The following CACNA1C variants were observed in gnomAD, a reference collection of about 807,000 sequenced individuals.
CACNA1C encodes calcium voltage-gated channel subunit alpha1 C, also known as voltage-dependent L-type calcium channel subunit alpha-1C.
A neutral mutation model predicts 229.0 loss-of-function variants in CACNA1C; 30 were observed. That is an observed-to-expected ratio of 0.13 (90% confidence interval 0.10 to 0.18). The LOEUF (loss-of-function observed/expected upper bound fraction) is 0.18. Ranked by LOEUF, CACNA1C falls within the 10% of genes least tolerant of loss-of-function variation. The probability of loss-of-function intolerance (pLI) is 1.00; values close to 1 mark genes in which losing one functional copy is unlikely to be tolerated. For missense variants in CACNA1C, 1,658 were observed against 2,845.0 expected (o/e 0.58, Z 9.49); for synonymous variants, 1,114 against 1,132.5 (o/e 0.98, Z 0.33).
At chr12:2,423,407 A>C (rs549294330) in intron 3 of CACNA1C, among the ~76,000 whole-genome samples, 1 of 152,272 alleles carries the variant, frequency 6.6e-6, no homozygotes, top group South Asian at 2.1e-4. Context: ...TAGCTCTCAC[A>C]ATATGTGTGG....
chr12:2,117,444 A>G (rs1422085920), intron 2 of CACNA1C, among the ~76,000 whole-genome samples: 2 of 152,194 alleles, frequency 1.3e-5, no homozygotes, highest in African/African-American at 4.8e-5. Flanking sequence ...CTGCTTGCAT[A>G]TCTGCTCACG....
chr12:2,554,397 C>G (rs1247618960), intron 10 of CACNA1C, among the ~76,000 whole-genome samples: 3 of 152,182 alleles, frequency 2.0e-5, no homozygotes, highest in Admixed American at 6.5e-5. Context: ...AGAATCCGCT[C>G]AACCTGAGGT....
At chr12:2,415,495 A>C (rs929794734) in intron 3 of CACNA1C, among the ~76,000 whole-genome samples, 1 of 152,292 alleles carries the variant, frequency 6.6e-6, no homozygotes, top group Admixed American at 6.5e-5. Context: ...TACTTTATGT[A>C]TTTTCTCCAA....
At position 2,181,005 on chromosome 12, in the gene CACNA1C, CAT is replaced by C. The variant is rs2096824171; in HGVS notation, c.477+60577_477+60578del. 6.6e-6 allele frequency among the ~76,000 whole-genome samples: 1 copy of C among 152,144 alleles called. No individual in the cohort carries two copies. The highest frequency in any genetic ancestry group is 2.1e-4 in the South Asian group (1 of 4,826). Reference sequence around the variant, plus strand: ...AAAACACCTGGATTTGTTTCATGAACATAACCCTCAAATCTGCACTCCCCTAT... The same window carrying C: ...AAAACACCTGGATTTGTTTCATGAACAACCCTCAAATCTGCACTCCCCTAT... On this transcript the variant is annotated intron_variant, in intron 3 of 46. Transcript: ENST00000399655. The surrounding 1 kb of genome is among the most constrained non-coding windows in gnomAD (Gnocchi z 4.0).
intron 9 of CACNA1C, among the ~76,000 whole-genome samples, chr12:2,542,685 A>T (rs2099873796): frequency 6.6e-6 from 1 of 152,128 alleles, no homozygotes; most frequent in Non-Finnish European, 1.5e-5. Context: ...CCAGGGAGAA[A>T]ATGACTTTTT....
intron 9 of CACNA1C, among the ~76,000 whole-genome samples, chr12:2,518,394 G>A (rs537384312): frequency 6.6e-6 from 1 of 152,296 alleles, no homozygotes; most frequent in African/African-American, 2.4e-5. Flanking sequence ...GGATCATGAG[G>A]TCAGGAGATT....
intron 4 of CACNA1C, among the ~76,000 whole-genome samples, chr12:2,450,403 AC>A (rs1436222103): frequency 7.9e-5 from 12 of 151,720 alleles, no homozygotes; most frequent in East Asian, 2.0e-4. Context: ...AAATACAAAA[AC>A]TTAGCCGGGC....
chr12:1,982,560 T>A (rs1230223076), intron 1 of CACNA1C, among the ~76,000 whole-genome samples: 1 of 152,198 alleles, frequency 6.6e-6, no homozygotes, highest in Non-Finnish European at 1.5e-5. Context: ...TATTCTCTTT[T>A]GAGGTTGAAT....
At chr12:2,380,084 G>C (rs2098197772) in intron 3 of CACNA1C, among the ~76,000 whole-genome samples, 1 of 151,626 alleles carries the variant, frequency 6.6e-6, no homozygotes, top group Non-Finnish European at 1.5e-5. Flanking sequence ...CAGGTCCCCT[G>C]GTTCCCATCC....
At chr12:2,642,370 G>A (rs2093811960) in intron 30 of CACNA1C, among the ~76,000 whole-genome samples, 1 of 152,136 alleles carries the variant, frequency 6.6e-6, no homozygotes, top group South Asian at 2.1e-4. Context: ...CACACCTTTT[G>A]TTGTGGCCAG....
chr12:2,391,649 TG>T (rs574671254), intron 3 of CACNA1C, among the ~76,000 whole-genome samples: 66 of 152,208 alleles, frequency 4.3e-4, no homozygotes, highest in African/African-American at 1.6e-3. Context: ...GTGCTTGAAG[TG>T]GGGCAAAGAC....
At chr12:2,094,128 G>A (rs1289381295) in intron 1 of CACNA1C, among the ~76,000 whole-genome samples, 1 of 152,240 alleles carries the variant, frequency 6.6e-6, no homozygotes, top group Non-Finnish European at 1.5e-5. Flanking sequence ...GGCAAAGGCA[G>A]GAAGGCTGCC....
At chr12:2,085,703 C>G (rs766539182) in intron 1 of CACNA1C, among the ~76,000 whole-genome samples, 1 of 152,172 alleles carries the variant, frequency 6.6e-6, no homozygotes, top group Non-Finnish European at 1.5e-5. Flanking sequence ...TGGCCTGACT[C>G]CTTCTAGCCC....
chr12:2,177,587 C>CCCTCCCTCCCTCCCTCCTTCCTT lies in CACNA1C; in HGVS notation c.477+57160_477+57161insCCCTCCCTCCCTCCTTCCTTCCT, dbSNP rs750852324. Among the ~76,000 whole-genome samples, 441 of 78,460 alleles carry CCCTCCCTCCCTCCCTCCTTCCTT rather than the reference C, an allele frequency of 5.6e-3. 6 individuals carry two copies. Among genetic ancestry groups the CCCTCCCTCCCTCCCTCCTTCCTT allele is most frequent in the African/African-American group, 0.016 (272 of 16,592 alleles). The allele number at this position is 78,460 out of a possible 152,430, so 51.5% of individuals were successfully genotyped here. A position where few individuals can be genotyped will look rare whatever the true frequency, so the allele number is the denominator to read the frequency against. ...TCCCTCCCTCCCTCCCTCCCTCCCT[C>CCCTCCCTCCCTCCCTCCTTCCTT]CCTTCCTTCCTTCCTTCCTTCCTTC... is the stretch of plus-strand genomic sequence containing the variant. On this transcript the variant is annotated intron_variant, in intron 3 of 46. Coordinates refer to ENST00000399655, the MANE Select transcript of CACNA1C (RefSeq NM_000719.7).
At position 2,679,882 on chromosome 12, in the gene CACNA1C, G is replaced by A. The variant is rs1158239485; in HGVS notation, c.5444+86G>A. On this transcript the variant is annotated intron_variant, in intron 42 of 46. Transcript: ENST00000399655. The surrounding 1 kb of genome is among the most constrained non-coding windows in gnomAD (Gnocchi z 5.5). ...AGACAGTGGAGGAGACGGAGGCCTCGGCCAGCCACTTGTCCCTCAAGCTTC... is the reference window on the plus strand; with the variant it reads ...AGACAGTGGAGGAGACGGAGGCCTCAGCCAGCCACTTGTCCCTCAAGCTTC... The A allele has an allele frequency of 1.0e-5, 10 of 972,810 alleles. No homozygotes were observed. The highest frequency in any genetic ancestry group is 2.8e-4 in the Middle Eastern group (1 of 3,520). The allele number at this position is 972,810 out of a possible 1,614,324, so 60.3% of individuals were successfully genotyped here.
At chr12:2,687,182 G>T (rs1287652144) in intron 45 of CACNA1C, among the ~76,000 whole-genome samples, 1 of 152,216 alleles carries the variant, frequency 6.6e-6, no homozygotes, top group African/African-American at 2.4e-5. Context: ...GATTCCCAGG[G>T]ACCCAGGAGC....
At chr12:2,297,430 G>A (rs1051582991) in intron 3 of CACNA1C, among the ~76,000 whole-genome samples, 7 of 152,236 alleles carry the variant, frequency 4.6e-5, no homozygotes, top group Admixed American at 3.9e-4. Flanking sequence ...TGATTCACTA[G>A]TGCTGTTATT....
At chr12:2,554,309 T>G (rs754217969) in intron 10 of CACNA1C, among the ~76,000 whole-genome samples, 9 of 152,140 alleles carry the variant, frequency 5.9e-5, no homozygotes, top group Admixed American at 1.3e-4. Flanking sequence ...TTGCATGAAC[T>G]TCAGTTCCTA....
intron 3 of CACNA1C, among the ~76,000 whole-genome samples, chr12:2,293,046 A>G (rs758498364): frequency 5.3e-5 from 8 of 152,128 alleles, no homozygotes; most frequent in Non-Finnish European, 1.2e-4. Flanking sequence ...CCCAGGCACA[A>G]ACACTTGTGT....
Sources: allele counts gnomAD v4.1 joint callset (sites outside exome capture counted in the v4.1 genomes callset), GRCh38; gene constraint gnomAD v4.1.1; non-coding constraint Gnocchi (gnomAD v3.1); transcripts MANE v1.5; gene names NCBI Gene and HGNC (gene_info 2026-07-23, HGNC 2026-07-21).